EPHA6: variants seen among roughly 807,000 people sequenced by gnomAD.
EPHA6 encodes ephrin type-A receptor 6.
In EPHA6, 50 loss-of-function variants were observed where a neutral mutation model predicts 112.0. The observed-to-expected ratio is 0.45, with a 90% CI of 0.36 to 0.56. The LOEUF (loss-of-function observed/expected upper bound fraction) is 0.56, where lower values mean the gene tolerates loss of function less well. EPHA6 is among the 20% of genes least tolerant of loss of function. The pLI is 0.00. For synonymous variants in EPHA6, 529 were observed against 490.7 expected (o/e 1.08, Z -1.03); for missense variants, 1,280 against 1,417.4 (o/e 0.90, Z 1.56).
intron 16 of EPHA6, among the ~76,000 whole-genome samples, chr3:97,744,898 A>G (rs560177798): frequency 6.6e-6 from 1 of 152,078 alleles, no homozygotes; most frequent in South Asian, 2.1e-4. Flanking sequence ...TTCAGTTTTA[A>G]CGAACTACTT....
intron 14 of EPHA6, among the ~76,000 whole-genome samples, chr3:97,665,124 C>T (rs539330366): frequency 1.5e-4 from 23 of 152,214 alleles, no homozygotes; most frequent in African/African-American, 5.3e-4. Flanking sequence ...AACAGAGATA[C>T]AGACCAATGG....
At chr3:97,298,262 G>T (rs1049388351) in intron 5 of EPHA6, among the ~76,000 whole-genome samples, 13 of 152,130 alleles carry the variant, frequency 8.5e-5, no homozygotes, top group African/African-American at 2.9e-4. Context: ...AGAGATGAGT[G>T]AGTTTCAATA....
intron 1 of EPHA6, among the ~76,000 whole-genome samples, chr3:96,822,521 G>A (rs191497717): frequency 2.9e-4 from 44 of 151,720 alleles, no homozygotes; most frequent in Admixed American, 2.6e-3. Flanking sequence ...ATTTTACTTC[G>A]TAACTTCAAA....
rs192968005 is a variant in EPHA6, at chr3:96,976,493, G to A, written c.451-10837G>A. On this transcript the variant is annotated intron_variant, in intron 2 of 17. Coordinates refer to ENST00000389672, the MANE Select transcript of EPHA6 (RefSeq NM_001080448.3). ...TAGAGGTGACAAAGTACTTTATGAC[G>A]TTAAAAAAAGGCTTTTAAAGTAAAT... Among the ~76,000 whole-genome samples the A allele has an allele frequency of 1.8e-4, 28 of 151,786 alleles. No homozygotes were observed. In the East Asian group the frequency reaches 4.3e-3, roughly 23 times the overall value.
intron 3 of EPHA6, among the ~76,000 whole-genome samples, chr3:97,149,537 A>G (rs921353347): frequency 6.6e-6 from 1 of 152,030 alleles, no homozygotes; most frequent in Non-Finnish European, 1.5e-5. Context: ...ATTTTTTTGT[A>G]GAAAGGTGTC....
In EPHA6 at chr3:96,903,419, A is replaced by T. The variant is rs553523852; in HGVS notation, c.450+36530A>T. ...ATATTTTCTTGGAAAATCACCCTTA[A>T]AATGTGTAATTTTTATATTAACAAA... On this transcript the variant is annotated intron_variant, in intron 2 of 17. Transcript: ENST00000389672. 2.6e-5 allele frequency among the ~76,000 whole-genome samples: 4 copies of T among 152,250 alleles called. No individual in the cohort carries two copies. In the South Asian group the frequency reaches 8.3e-4, roughly 32 times the overall value.
chr3:96,884,311 C>A (rs1418305988), intron 2 of EPHA6, among the ~76,000 whole-genome samples: 2 of 152,054 alleles, frequency 1.3e-5, no homozygotes, highest in Non-Finnish European at 2.9e-5. Context: ...CTTTTGGCAA[C>A]ATGGTCATTT....
At chr3:97,675,849 T>C (rs1204390855) in intron 14 of EPHA6, among the ~76,000 whole-genome samples, 4 of 152,142 alleles carry the variant, frequency 2.6e-5, no homozygotes, top group Non-Finnish European at 5.9e-5. Context: ...CTAAAATGTA[T>C]GCAGGAGTTT....
chr3:97,134,648 G>T (rs1036184482), intron 3 of EPHA6, among the ~76,000 whole-genome samples: 96 of 152,202 alleles, frequency 6.3e-4, no homozygotes, highest in African/African-American at 2.3e-3. Flanking sequence ...AAAGATGGAA[G>T]AAGCAGTAAC....
At chr3:97,083,963 A>C (rs1236919606) in intron 3 of EPHA6, among the ~76,000 whole-genome samples, 1 of 151,400 alleles carries the variant, frequency 6.6e-6, no homozygotes. Flanking sequence ...AAAATGAAAA[A>C]AATGGGAAAC....
chr3:97,600,765 C>A (rs1560178720), intron 12 of EPHA6, among the ~76,000 whole-genome samples: 1 of 151,258 alleles, frequency 6.6e-6, no homozygotes, highest in Non-Finnish European at 1.5e-5. Flanking sequence ...GCTGAACTGA[C>A]ATAAGTGAGC....
chr3:97,578,575 C>T (rs190609770), intron 11 of EPHA6, among the ~76,000 whole-genome samples: 3 of 152,336 alleles, frequency 2.0e-5, no homozygotes, highest in Admixed American at 2.0e-4. Flanking sequence ...CTGTCAGTCT[C>T]TGCCACCATG....
intron 1 of EPHA6, among the ~76,000 whole-genome samples, chr3:96,863,363 T>C (rs948499492): frequency 6.6e-6 from 1 of 151,980 alleles, no homozygotes; most frequent in African/African-American, 2.4e-5. Context: ...ACGTAATTAG[T>C]GTGCCTGAAA....
intron 5 of EPHA6, among the ~76,000 whole-genome samples, chr3:97,270,617 T>C (rs1302912905): frequency 6.6e-6 from 1 of 152,206 alleles, no homozygotes; most frequent in Non-Finnish European, 1.5e-5. Flanking sequence ...CAAAGCTTCA[T>C]AGCATAACTG....
intron 12 of EPHA6, among the ~76,000 whole-genome samples, chr3:97,606,803 G>C (rs548815790): frequency 2.0e-5 from 3 of 151,040 alleles, no homozygotes; most frequent in African/African-American, 7.3e-5. Context: ...GATTATAATT[G>C]TAATTCACTA....
intron 5 of EPHA6, among the ~76,000 whole-genome samples, chr3:97,366,095 C>T (rs748724511): frequency 3.9e-5 from 6 of 152,066 alleles, no homozygotes; most frequent in Non-Finnish European, 5.9e-5. Flanking sequence ...AAATTCTGTA[C>T]GGTATTGTTG....
intron 2 of EPHA6, among the ~76,000 whole-genome samples, chr3:96,905,893 G>A (rs1022208075): frequency 6.6e-6 from 1 of 152,078 alleles, no homozygotes; most frequent in South Asian, 2.1e-4. Context: ...TTCTTAAATT[G>A]AAATAACATT....
chr3:97,433,002 T>C (rs1185746754), intron 6 of EPHA6, among the ~76,000 whole-genome samples: 1 of 152,182 alleles, frequency 6.6e-6, no homozygotes, highest in African/African-American at 2.4e-5. Context: ...GAAGATCCTG[T>C]TAGAAACTAT....
At chr3:97,742,543 T>TA (rs2035549575) in intron 16 of EPHA6, among the ~76,000 whole-genome samples, 1 of 152,164 alleles carries the variant, frequency 6.6e-6, no homozygotes, top group Non-Finnish European at 1.5e-5. Context: ...TAAATAATCA[T>TA]ATCAATAAAA....
Sources: gnomAD v4.1 joint callset for allele counts (sites outside exome capture counted in the v4.1 genomes callset) on GRCh38, gnomAD v4.1.1 for gene constraint, MANE v1.5 for transcripts, NCBI Gene and HGNC (gene_info 2026-07-23, HGNC 2026-07-21) for gene names.